Variants in PRR16 observed in about 807,000 individuals in gnomAD.
PRR16 encodes the protein proline rich 16.
In PRR16, 6 loss-of-function variants were observed where a neutral mutation model predicts 18.2. That is an observed-to-expected ratio of 0.33 (90% CI 0.18 to 0.65). PRR16 has a LOEUF of 0.65. Among genes scored for constraint, PRR16 ranks in the 30% least tolerant of loss-of-function variants. The pLI is 0.74. For missense variants in PRR16, 412 were observed against 376.6 expected (o/e 1.09, Z -0.78); for synonymous variants, 151 against 147.8 (o/e 1.02, Z -0.16).
chr5:120,581,129 C>T (rs965246632), intron 1 of PRR16, among the ~76,000 whole-genome samples: 2 of 152,160 alleles, frequency 1.3e-5, no homozygotes, highest in Admixed American at 1.3e-4. Flanking sequence ...TGGTAGAATT[C>T]ACCTGTAAAT....
At chr5:120,763,376 A>T in the PRR16 span, among the ~76,000 whole-genome samples, 1 of 151,932 alleles carries the variant, frequency 6.6e-6, no homozygotes, top group African/African-American at 2.4e-5. Flanking sequence ...TCAAGTGATC[A>T]GCCTGCCTTG....
chr5:120,579,974 A>T lies in PRR16; in HGVS notation c.160-105980A>T, dbSNP rs375995923. Among the ~76,000 whole-genome samples, 34 of 152,066 alleles carry T rather than the reference A, an allele frequency of 2.2e-4. 1 individual carries two copies. In the East Asian group the frequency reaches 3.7e-3, roughly 16 times the overall value. On this transcript the variant is annotated intron_variant, in intron 1 of 1. Coordinates refer to ENST00000407149, the MANE Select transcript of PRR16 (RefSeq NM_001300783.2). ...TCCCTTGTTAGGTGTATTCCTAGGT[A>T]TTTTATTCTCTTTGTAGCAATTGTG...
intron 1 of PRR16, among the ~76,000 whole-genome samples, chr5:120,649,264 G>T (rs767500244): frequency 6.6e-6 from 1 of 152,058 alleles, no homozygotes; most frequent in Non-Finnish European, 1.5e-5. Context: ...TTAAGGTAAT[G>T]GAAACAGTGG....
intron 1 of PRR16, among the ~76,000 whole-genome samples, chr5:120,551,750 G>C (rs1752261270): frequency 6.6e-6 from 1 of 151,916 alleles, no homozygotes; most frequent in East Asian, 1.9e-4. Flanking sequence ...TCAATGCAGG[G>C]GTGTGGAGAA....
At chr5:120,515,544 T>G (rs1561525962) in intron 1 of PRR16, among the ~76,000 whole-genome samples, 1 of 152,330 alleles carries the variant, frequency 6.6e-6, no homozygotes, top group African/African-American at 2.4e-5. Flanking sequence ...GCATGGCACC[T>G]TTCCTTAGAA....
At chr5:120,529,041 T>G (rs1039883127) in intron 1 of PRR16, among the ~76,000 whole-genome samples, 3 of 152,144 alleles carry the variant, frequency 2.0e-5, no homozygotes, top group Non-Finnish European at 4.4e-5. Flanking sequence ...TCAATTTTTG[T>G]CTCCTCCCTG....
Position 120,686,059 on chromosome 5 carries a change from G to A in PRR16, c.265G>A (p.Ala89Thr). The change falls in exon 2 of 2, where the codon GCC becomes ACC. Residue 89 changes from alanine (A) to threonine (T), a missense_variant. Transcript: ENST00000407149. ...GAATAGTAGCTCAAGTGGCACAACA[G>A]CCTCCAGCCTAGAGAAGATCAAAGT... The part of the protein sequence containing the change: ...TLNSSSSGTT[A>T]SSLEKIKVQA... 6.2e-7 allele frequency: 1 copy of A among 1,614,084 alleles called. No homozygotes were observed. Among genetic ancestry groups the A allele is most frequent in the South Asian group, 1.1e-5 (1 of 91,076 alleles).
At chr5:120,640,280 T>C (rs1284168725) in intron 1 of PRR16, among the ~76,000 whole-genome samples, 1 of 133,282 alleles carries the variant, frequency 7.5e-6, no homozygotes, top group Non-Finnish European at 1.6e-5. Flanking sequence ...CCTGCACGTG[T>C]ACCCCTGAAC....
intron 1 of PRR16, among the ~76,000 whole-genome samples, chr5:120,635,739 A>G (rs948922251): frequency 5.9e-5 from 9 of 152,140 alleles, no homozygotes; most frequent in African/African-American, 1.9e-4. Flanking sequence ...CACCACTTCT[A>G]TTCAGCATAG....
chr5:120,489,889 T>C (rs1378356618), intron 1 of PRR16, among the ~76,000 whole-genome samples: 1 of 152,178 alleles, frequency 6.6e-6, no homozygotes, highest in African/African-American at 2.4e-5. Flanking sequence ...TGTAAAGTAT[T>C]TTATTTCTCC....
the PRR16 span, among the ~76,000 whole-genome samples, chr5:120,784,226 G>A: frequency 6.6e-6 from 1 of 152,130 alleles, no homozygotes; most frequent in East Asian, 1.9e-4. Flanking sequence ...TATATACACA[G>A]CAGTGGAATT....
chr5:120,786,932 C>T, the PRR16 span, among the ~76,000 whole-genome samples: 1 of 152,046 alleles, frequency 6.6e-6, no homozygotes. Context: ...GAATATGACC[C>T]TTGAAGTGCT....
the PRR16 span, among the ~76,000 whole-genome samples, chr5:120,737,624 C>T: frequency 8.0e-5 from 12 of 150,006 alleles, no homozygotes; most frequent in Non-Finnish European, 1.2e-4. Context: ...TGCTCCCTCT[C>T]TTAGTTTTTT....
At chr5:120,650,406 C>G (rs1275552715) in intron 1 of PRR16, among the ~76,000 whole-genome samples, 1 of 150,834 alleles carries the variant, frequency 6.6e-6, no homozygotes, top group African/African-American at 2.4e-5. Context: ...TATACATGTG[C>G]CATGTTGGTG....
intron 1 of PRR16, among the ~76,000 whole-genome samples, chr5:120,649,113 C>T (rs1241662916): frequency 6.6e-6 from 1 of 152,104 alleles, no homozygotes; most frequent in Non-Finnish European, 1.5e-5. Context: ...TCAGTGCACG[C>T]TGGCTCGAGC....
intron 1 of PRR16, among the ~76,000 whole-genome samples, chr5:120,564,260 G>A (rs961604835): frequency 3.3e-5 from 5 of 152,096 alleles, no homozygotes; most frequent in Admixed American, 6.5e-5. Flanking sequence ...CCTGGCTGGT[G>A]TCTCCTTAAG....
chr5:120,659,972 C>T (rs960196395), intron 1 of PRR16, among the ~76,000 whole-genome samples: 2 of 152,028 alleles, frequency 1.3e-5, no homozygotes, highest in Non-Finnish European at 2.9e-5. Flanking sequence ...CCCAGTACTT[C>T]TCACTACACA....
intron 1 of PRR16, among the ~76,000 whole-genome samples, chr5:120,570,144 A>G (rs1752860512): frequency 6.6e-6 from 1 of 152,128 alleles, no homozygotes; most frequent in South Asian, 2.1e-4. Context: ...TGGTTGATAA[A>G]TTACATAGAA....
At chr5:120,737,659 G>C in the PRR16 span, among the ~76,000 whole-genome samples, 3 of 150,106 alleles carry the variant, frequency 2.0e-5, no homozygotes, top group African/African-American at 7.3e-5. Flanking sequence ...TTTTTTGGAA[G>C]AGTTTGAAAA....
Sources: allele counts gnomAD v4.1 joint callset (sites outside exome capture counted in the v4.1 genomes callset), GRCh38; gene constraint gnomAD v4.1.1; transcripts MANE v1.5; gene names NCBI Gene and HGNC (gene_info 2026-07-23, HGNC 2026-07-21).